Variants in SNTG1 observed in about 807,000 individuals in gnomAD.
SNTG1 encodes the protein syntrophin gamma 1.
In SNTG1, 39 loss-of-function variants were observed where a neutral mutation model predicts 74.7. That is an observed-to-expected ratio of 0.52 (90% CI 0.40 to 0.68). The LOEUF (loss-of-function observed/expected upper bound fraction) is 0.68, where lower values mean the gene tolerates loss of function less well. Ranked by LOEUF, SNTG1 falls within the 30% of genes least tolerant of loss-of-function variation. The pLI, the probability that SNTG1 is intolerant of heterozygous loss-of-function variation, is 0.00. For synonymous variants in SNTG1, 254 were observed against 217.1 expected (o/e 1.17, Z -1.49); for missense variants, 685 against 609.5 (o/e 1.12, Z -1.30).
chr8:50,353,252 T>A (rs1287341262), intron 2 of SNTG1, among the ~76,000 whole-genome samples: 1 of 92,012 alleles, frequency 1.1e-5, no homozygotes, highest in Non-Finnish European at 2.0e-5. Context: ...CTGGGGCCTG[T>A]CATGAGGTGG....
At chr8:50,641,321 A>G (rs1213175152) in intron 13 of SNTG1, among the ~76,000 whole-genome samples, 1 of 152,162 alleles carries the variant, frequency 6.6e-6, no homozygotes, top group East Asian at 1.9e-4. Flanking sequence ...TTCCTGCTTC[A>G]TTGAGAAAAT....
Position 50,570,591 on chromosome 8 carries a change from G to GTTGTTATTATTA in SNTG1, c.810+17414_810+17415insGTTATTATTATT, listed in dbSNP as rs137977278. ...TATTATTATTATTATTATTATTGTT[G>GTTGTTATTATTA]TTATTATTATTATTATTATTATTAT... On this transcript the variant is annotated intron_variant, in intron 12 of 18. Transcript: ENST00000642720. Among the ~76,000 whole-genome samples the GTTGTTATTATTA allele has an allele frequency of 8.3e-3, 1,084 of 130,130 alleles. 19 individuals are homozygous for GTTGTTATTATTA. The highest frequency in any genetic ancestry group is 0.029 in the African/African-American group (993 of 34,196). The allele number at this position is 130,130 out of a possible 152,430, so 85.4% of individuals were successfully genotyped here.
chr8:50,437,061 A>C (rs1169050639), intron 4 of SNTG1, among the ~76,000 whole-genome samples: 1 of 152,164 alleles, frequency 6.6e-6, no homozygotes, highest in African/African-American at 2.4e-5. Context: ...ACACATAGAA[A>C]CTTATTTGTA....
intron 9 of SNTG1, among the ~76,000 whole-genome samples, chr8:50,526,450 A>C (rs570302195): frequency 6.6e-6 from 1 of 152,162 alleles, no homozygotes; most frequent in East Asian, 1.9e-4. Context: ...CTTTGAGCTT[A>C]CCTGGGTTAC....
intron 12 of SNTG1, among the ~76,000 whole-genome samples, chr8:50,573,129 G>A (rs1347357700): frequency 6.6e-6 from 1 of 151,918 alleles, no homozygotes; most frequent in Admixed American, 6.6e-5. Flanking sequence ...ATCCTTAAAG[G>A]CATTTAAATT....
chr8:49,969,559 G>T (rs1278313754), intron 1 of SNTG1, among the ~76,000 whole-genome samples: 1 of 151,790 alleles, frequency 6.6e-6, no homozygotes, highest in African/African-American at 2.4e-5. Flanking sequence ...ACCATGCCCA[G>T]CTAATTTTGG....
chr8:49,910,918 G>A (rs1480045578), upstream of SNTG1: 1 of 152,326 alleles, frequency 6.6e-6, no homozygotes, highest in Non-Finnish European at 1.5e-5. Context: ...CGACTCGCTA[G>A]CACTGCCCTG....
rs569475200 is a variant in SNTG1, at chr8:50,049,205, G to A, written c.-102-123356G>A. On this transcript the variant is annotated intron_variant, in intron 1 of 18. Transcript: ENST00000642720. ...CTTTAATTTAAAATGTTCTAAATAC[G>A]TCATTTAAAAGACAGGCTAACAGAA... 6.9e-4 allele frequency among the ~76,000 whole-genome samples: 105 copies of A among 152,006 alleles called. 1 individual carries two copies. Among genetic ancestry groups the A allele is most frequent in the African/African-American group, 2.2e-3 (92 of 41,516 alleles).
intron 12 of SNTG1, among the ~76,000 whole-genome samples, chr8:50,558,237 T>A (rs1275430788): frequency 2.0e-5 from 3 of 152,196 alleles, no homozygotes; most frequent in Non-Finnish European, 2.9e-5. Flanking sequence ...CCAGGCTCCA[T>A]GGCAGCAGCT....
chr8:50,134,334 G>T (rs777889557), intron 1 of SNTG1, among the ~76,000 whole-genome samples: 1 of 152,174 alleles, frequency 6.6e-6, no homozygotes, highest in African/African-American at 2.4e-5. Flanking sequence ...GCTGGAGATC[G>T]CCAATGCCTA....
At chr8:50,730,674 T>C (rs1216932847) in intron 17 of SNTG1, among the ~76,000 whole-genome samples, 2 of 152,174 alleles carry the variant, frequency 1.3e-5, no homozygotes, top group African/African-American at 4.8e-5. Context: ...TTTTATGACA[T>C]GTTTAAGATG....
At chr8:50,660,903 AT>A (rs978478903) in intron 15 of SNTG1, among the ~76,000 whole-genome samples, 11 of 152,164 alleles carry the variant, frequency 7.2e-5, no homozygotes, top group African/African-American at 2.2e-4. Context: ...ATGTCTTGAG[AT>A]TTTTTTCTAT....
chr8:50,253,582 G>C (rs2086739509), intron 2 of SNTG1, among the ~76,000 whole-genome samples: 1 of 152,056 alleles, frequency 6.6e-6, no homozygotes, highest in Non-Finnish European at 1.5e-5. Flanking sequence ...ATTAACCCAT[G>C]TATACAACCA....
chr8:50,326,673 ATT>A (rs147413287), intron 2 of SNTG1, among the ~76,000 whole-genome samples: 1 of 143,462 alleles, frequency 7.0e-6, no homozygotes, highest in Admixed American at 6.9e-5. Flanking sequence ...TTCTCTATTG[ATT>A]TTTTTTTTCA....
intron 2 of SNTG1, among the ~76,000 whole-genome samples, chr8:50,196,254 A>G (rs900036457): frequency 6.6e-6 from 1 of 152,128 alleles, no homozygotes; most frequent in Admixed American, 6.6e-5. Flanking sequence ...CCTGGACAGA[A>G]GACCCTGATT....
At chr8:50,259,110 A>G (rs2087027794) in intron 2 of SNTG1, among the ~76,000 whole-genome samples, 1 of 152,200 alleles carries the variant, frequency 6.6e-6, no homozygotes, top group Non-Finnish European at 1.5e-5. Flanking sequence ...GGACATTGCC[A>G]TGGAATACTG....
intron 13 of SNTG1, among the ~76,000 whole-genome samples, chr8:50,646,925 T>C (rs1222383878): frequency 6.6e-6 from 1 of 152,078 alleles, no homozygotes; most frequent in Admixed American, 6.6e-5. Context: ...ACAAGTATAG[T>C]TAATCTTTAA....
At chr8:50,099,877 T>C (rs1245545686) in intron 1 of SNTG1, among the ~76,000 whole-genome samples, 1 of 152,136 alleles carries the variant, frequency 6.6e-6, no homozygotes, top group East Asian at 1.9e-4. Flanking sequence ...ATATTTTGGA[T>C]ATTAATTCCT....
At chr8:50,629,865 A>C (rs2094984116) in intron 13 of SNTG1, among the ~76,000 whole-genome samples, 1 of 152,154 alleles carries the variant, frequency 6.6e-6, no homozygotes, top group African/African-American at 2.4e-5. Flanking sequence ...AGGGACGACC[A>C]ATTGTCTGAT....
Sources: allele counts gnomAD v4.1 joint callset (sites outside exome capture counted in the v4.1 genomes callset), GRCh38; gene constraint gnomAD v4.1.1; transcripts MANE v1.5; gene names NCBI Gene and HGNC (gene_info 2026-07-23, HGNC 2026-07-21).